The following TTLL11 variants were observed in gnomAD, a reference collection of about 807,000 sequenced individuals.
The protein encoded by TTLL11 is tubulin polyglutamylase TTLL11.
TTLL11 carries 42 observed loss-of-function variants against 51.7 expected under a neutral mutation model. That is an observed-to-expected ratio of 0.81 (90% CI 0.64 to 1.05). The LOEUF is 1.05. Ranked by LOEUF, TTLL11 falls within the 50% of genes least tolerant of loss-of-function variation. The pLI is 0.00. For synonymous variants in TTLL11, 381 were observed against 383.5 expected (o/e 0.99, Z 0.08); for missense variants, 799 against 940.4 (o/e 0.85, Z 1.97).
At chr9:122,060,449 C>T (rs1255017341) in intron 1 of TTLL11, among the ~76,000 whole-genome samples, 1 of 152,214 alleles carries the variant, frequency 6.6e-6, no homozygotes, top group Admixed American at 6.5e-5. Context: ...ACATAGCCTG[C>T]TCCCTGCCAT....
intron 6 of TTLL11, among the ~76,000 whole-genome samples, chr9:121,949,298 T>C (rs187597429): frequency 1.8e-4 from 28 of 152,322 alleles, no homozygotes; most frequent in African/African-American, 6.3e-4. Flanking sequence ...AGGGCTGATT[T>C]GGGGAGGAAA....
chr9:121,952,169 G>T (rs1288865309), intron 6 of TTLL11, among the ~76,000 whole-genome samples: 1 of 152,094 alleles, frequency 6.6e-6, no homozygotes, highest in Admixed American at 6.5e-5. Flanking sequence ...GACTAGGGCC[G>T]GGCGCAGTGG....
At chr9:121,906,661 G>T (rs1286659647) in intron 6 of TTLL11, among the ~76,000 whole-genome samples, 1 of 151,986 alleles carries the variant, frequency 6.6e-6, no homozygotes, top group Admixed American at 6.6e-5. Flanking sequence ...GTGTAGGGCA[G>T]GTTGGAAAGG....
intron 1 of TTLL11, among the ~76,000 whole-genome samples, chr9:122,083,607 C>T (rs924643046): frequency 5.9e-5 from 9 of 152,096 alleles, no homozygotes; most frequent in South Asian, 2.1e-4. Context: ...GTCAGTAGTT[C>T]GAGACCAGCC....
At chr9:121,950,072 T>C (rs934735573) in intron 6 of TTLL11, among the ~76,000 whole-genome samples, 16 of 152,194 alleles carry the variant, frequency 1.1e-4, no homozygotes, top group Non-Finnish European at 1.8e-4. Context: ...GGTCCCTTTG[T>C]GCCCAAAGCT....
chr9:121,993,072 G>C (rs1374445203), intron 3 of TTLL11, among the ~76,000 whole-genome samples: 1 of 152,058 alleles, frequency 6.6e-6, no homozygotes, highest in Non-Finnish European at 1.5e-5. Context: ...GAGGTACCTA[G>C]AGCAGTCAAA....
At chr9:122,038,933 C>T (rs1366154125) in intron 2 of TTLL11, among the ~76,000 whole-genome samples, 1 of 152,130 alleles carries the variant, frequency 6.6e-6, no homozygotes, top group Non-Finnish European at 1.5e-5. Flanking sequence ...TGACATATGC[C>T]TAGAATTTTG....
chr9:121,903,342 T>A (rs1299184041), intron 6 of TTLL11, among the ~76,000 whole-genome samples: 3 of 152,160 alleles, frequency 2.0e-5, no homozygotes, highest in Non-Finnish European at 4.4e-5. Flanking sequence ...ACACAGAAAT[T>A]CTGAGGGCAT....
Position 121,926,990 on chromosome 9 carries a change from C to T in TTLL11, c.1481+47019G>A, listed in dbSNP as rs968608354. On this transcript the variant is annotated intron_variant, in intron 6 of 8. Transcript: ENST00000321582. The stretch of plus-strand genomic sequence containing the variant: ...GGTGGAAAGAGGGTGAAGGAGCTCT[C>T]GGGCCCCTTTTATAAAGGCATGAAT... 3.3e-5 allele frequency among the ~76,000 whole-genome samples: 5 copies of T among 152,254 alleles called. No homozygotes were observed. In the South Asian group the frequency reaches 6.2e-4, roughly 19 times the overall value.
At chr9:122,063,729 G>C (rs889860245) in intron 1 of TTLL11, among the ~76,000 whole-genome samples, 1 of 152,192 alleles carries the variant, frequency 6.6e-6, no homozygotes, top group Non-Finnish European at 1.5e-5. Context: ...CCAAGAATAT[G>C]ATGGCCAACC....
At chr9:121,832,089 C>T (rs1300666854) in intron 8 of TTLL11, among the ~76,000 whole-genome samples, 1 of 152,148 alleles carries the variant, frequency 6.6e-6, no homozygotes, top group Middle Eastern at 3.2e-3. Context: ...CCCTTATGAC[C>T]TCATTTAACC....
At chr9:122,010,290 A>T (rs1261811879) in intron 3 of TTLL11, among the ~76,000 whole-genome samples, 3 of 152,224 alleles carry the variant, frequency 2.0e-5, no homozygotes, top group African/African-American at 7.2e-5. Flanking sequence ...AATGAGATTC[A>T]GGTATTGCTT....
At position 121,989,813 on chromosome 9, in the gene TTLL11, C is replaced by T; in HGVS notation, c.694-43G>A. On this transcript the variant is annotated intron_variant, in intron 3 of 8. Transcript: ENST00000321582. This position sits in a 1 kb window ranked among gnomAD's most constrained non-coding sequence, Gnocchi z 4.2. ...GATGGCCGACATTATATTGTTTTCC[C>T]TCTGGATCCCTAACACAGAGCAAGG... is the stretch of plus-strand genomic sequence containing the variant. The T allele has an allele frequency of 6.5e-7, 1 of 1,547,378 alleles. No individual in the cohort carries two copies. Among genetic ancestry groups the T allele is most frequent in the Non-Finnish European group, 8.7e-7 (1 of 1,149,388 alleles).
intron 6 of TTLL11, among the ~76,000 whole-genome samples, chr9:121,903,504 C>A (rs369754621): frequency 6.6e-5 from 10 of 152,278 alleles, no homozygotes; most frequent in African/African-American, 2.4e-4. Context: ...CACTGAGATG[C>A]TGTGTGACTT....
chr9:122,082,632 AAAATG>A (rs1846028252), intron 1 of TTLL11, among the ~76,000 whole-genome samples: 1 of 152,204 alleles, frequency 6.6e-6, no homozygotes, highest in African/African-American at 2.4e-5. Context: ...TTAGGTTGTT[AAAATG>A]AAATGAATCT....
At chr9:121,979,860 T>C (rs1293222962) in intron 4 of TTLL11, among the ~76,000 whole-genome samples, 5 of 152,076 alleles carry the variant, frequency 3.3e-5, no homozygotes, top group Non-Finnish European at 7.4e-5. Flanking sequence ...CCACTTACTA[T>C]TACTACACAT....
chr9:121,894,606 G>T (rs1588103502), intron 6 of TTLL11, among the ~76,000 whole-genome samples: 1 of 152,178 alleles, frequency 6.6e-6, no homozygotes, highest in African/African-American at 2.4e-5. Context: ...CAGAGACATG[G>T]ATGAAGCTGG....
intron 6 of TTLL11, among the ~76,000 whole-genome samples, chr9:121,969,756 G>C (rs1215261967): frequency 6.6e-6 from 1 of 152,182 alleles, no homozygotes; most frequent in Non-Finnish European, 1.5e-5. Flanking sequence ...CTTCTAGCCT[G>C]GAAGTCTACA....
intron 8 of TTLL11, among the ~76,000 whole-genome samples, chr9:121,826,028 G>C (rs1836740427): frequency 6.6e-6 from 1 of 150,602 alleles, no homozygotes; most frequent in South Asian, 2.1e-4. Flanking sequence ...GATGATGGAG[G>C]GGGAGATGCT....
Sources: allele counts gnomAD v4.1 joint callset (sites outside exome capture counted in the v4.1 genomes callset), GRCh38; gene constraint gnomAD v4.1.1; non-coding constraint Gnocchi (gnomAD v3.1); transcripts MANE v1.5; gene names NCBI Gene and HGNC (gene_info 2026-07-23, HGNC 2026-07-21).